DPP6: variants seen among roughly 807,000 people sequenced by gnomAD.
DPP6 encodes A-type potassium channel modulatory protein DPP6.
Under a neutral mutation model 122.6 loss-of-function variants are expected in DPP6, and 69 were observed. The ratio of observed to expected loss-of-function variants is 0.56; its 90% CI spans 0.46 to 0.69. The LOEUF (loss-of-function observed/expected upper bound fraction) is 0.69, where lower values mean the gene tolerates loss of function less well. DPP6 is among the 30% of genes least tolerant of loss of function. The pLI is 0.00. For missense variants in DPP6, 928 were observed against 1,116.9 expected (o/e 0.83, Z 2.41); for synonymous variants, 418 against 433.1 (o/e 0.97, Z 0.43).
At chr7:153,767,667 C>T in the DPP6 span, among the ~76,000 whole-genome samples, 1 of 131,656 alleles carries the variant, frequency 7.6e-6, no homozygotes, top group Non-Finnish European at 1.7e-5. Context: ...CCATAAGCCA[C>T]TGTGCCCAGC....
chr7:154,158,884 C>T (rs944047171), intron 1 of DPP6, among the ~76,000 whole-genome samples: 5 of 151,924 alleles, frequency 3.3e-5, no homozygotes, highest in Non-Finnish European at 5.9e-5. Flanking sequence ...GGACACGGGT[C>T]GGGAGGAGGA....
chr7:153,974,963 G>A (rs39149), intron 1 of DPP6, among the ~76,000 whole-genome samples: 9,888 of 152,156 alleles, frequency 0.065, 565 homozygotes, highest in East Asian at 0.25. Flanking sequence ...TGGCTTCTTC[G>A]ACCATGTCCA....
At chr7:154,259,052 A>G (rs1412578833) in intron 1 of DPP6, among the ~76,000 whole-genome samples, 2 of 152,204 alleles carry the variant, frequency 1.3e-5, no homozygotes, top group African/African-American at 2.4e-5. Flanking sequence ...AAGTAACACC[A>G]GACATGGATG....
chr7:154,072,703 A>G (rs1166960188), intron 1 of DPP6, among the ~76,000 whole-genome samples: 1 of 152,262 alleles, frequency 6.6e-6, no homozygotes, highest in African/African-American at 2.4e-5. Flanking sequence ...GCTGAGTCAG[A>G]TGGAAATAAA....
At chr7:154,012,533 T>C (rs983362163) in intron 1 of DPP6, among the ~76,000 whole-genome samples, 16 of 152,128 alleles carry the variant, frequency 1.1e-4, no homozygotes, top group African/African-American at 3.9e-4. Context: ...AGACAATTCA[T>C]AGAATGGGAG....
intron 5 of DPP6, among the ~76,000 whole-genome samples, chr7:154,633,344 C>T (rs1030578936): frequency 1.3e-5 from 2 of 152,198 alleles, no homozygotes; most frequent in African/African-American, 4.8e-5. Context: ...TCAAGTGATT[C>T]TTCCACCTCA....
intron 1 of DPP6, among the ~76,000 whole-genome samples, chr7:153,904,391 T>C (rs935728960): frequency 4.6e-5 from 7 of 152,174 alleles, no homozygotes; most frequent in Non-Finnish European, 7.3e-5. Flanking sequence ...TTCAATTTTT[T>C]ACACTTGGGG....
At chr7:154,832,702 A>G (rs1001886709) in intron 16 of DPP6, among the ~76,000 whole-genome samples, 11 of 152,216 alleles carry the variant, frequency 7.2e-5, no homozygotes, top group African/African-American at 2.7e-4. Flanking sequence ...TTGCTGACAC[A>G]GTCCCAGAAA....
chr7:154,401,062 T>C (rs1586166186), intron 1 of DPP6, among the ~76,000 whole-genome samples: 1 of 152,006 alleles, frequency 6.6e-6, no homozygotes, highest in East Asian at 1.9e-4. Flanking sequence ...TTAGGTGTGG[T>C]GGCATGCACC....
chr7:154,626,197 G>A lies in DPP6; in HGVS notation c.628-11624G>A, dbSNP rs138502091. ...TATGGCTGATTTCATTTGTTTCCCA[G>A]AAGATGAGCTGAAGACACATAGGAG... On this transcript the variant is annotated intron_variant, in intron 5 of 25. Transcript: ENST00000377770. Among the ~76,000 whole-genome samples, 35 of 152,298 alleles carry A rather than the reference G, an allele frequency of 2.3e-4. 1 individual carries two copies. Among genetic ancestry groups the A allele is most frequent in the African/African-American group, 8.4e-4 (35 of 41,556 alleles).
chr7:154,402,771 AAAAAATAAAAAT>A (rs575298987), intron 1 of DPP6, among the ~76,000 whole-genome samples: 6 of 150,208 alleles, frequency 4.0e-5, no homozygotes, highest in East Asian at 3.9e-4. Flanking sequence ...AAAAAAAAGA[AAAAAATAAAAAT>A]AAAAATAAAA....
In DPP6 at chr7:154,559,947, G is replaced by T. The variant is rs556793701; in HGVS notation, c.553-6895G>T. ...ATATAGATATATATATAAAGATATA[G>T]ATATATATAAGATATATATAAAGAT... On this transcript the variant is annotated intron_variant, in intron 4 of 25. Coordinates refer to ENST00000377770, the MANE Select transcript of DPP6 (RefSeq NM_130797.4). Among the ~76,000 whole-genome samples the T allele has an allele frequency of 6.6e-4, 45 of 67,830 alleles. 2 individuals are homozygous for T. The South Asian group carries it at 0.015, about 22-fold the overall frequency. 44.5% of individuals were successfully genotyped at this position (67,830 alleles called of 152,430 possible).
At chr7:153,894,599 G>A (rs187026423) in intron 1 of DPP6, among the ~76,000 whole-genome samples, 1 of 152,278 alleles carries the variant, frequency 6.6e-6, no homozygotes, top group Non-Finnish European at 1.5e-5. Context: ...TCATCTATGG[G>A]TGTTGTGGAG....
chr7:154,130,178 A>T (rs1447572425), intron 1 of DPP6, among the ~76,000 whole-genome samples: 3 of 152,170 alleles, frequency 2.0e-5, no homozygotes, highest in Non-Finnish European at 4.4e-5. Flanking sequence ...CTAGAAGACA[A>T]AGAGGAACTA....
At chr7:154,470,656 G>A (rs1822183670) in intron 2 of DPP6, among the ~76,000 whole-genome samples, 1 of 152,196 alleles carries the variant, frequency 6.6e-6, no homozygotes, top group African/African-American at 2.4e-5. Flanking sequence ...ACCGTAAAGA[G>A]TAACTACATC....
the DPP6 span, among the ~76,000 whole-genome samples, chr7:153,880,999 T>C: frequency 6.6e-6 from 1 of 152,252 alleles, no homozygotes; most frequent in Non-Finnish European, 1.5e-5. Context: ...GGATACATGC[T>C]TCATTAATAG....
intron 1 of DPP6, among the ~76,000 whole-genome samples, chr7:154,090,816 G>T (rs1254221662): frequency 6.7e-6 from 1 of 149,826 alleles, no homozygotes; most frequent in East Asian, 1.9e-4. Context: ...AGTTTGTGTG[G>T]CTACTTTCAA....
intron 17 of DPP6, among the ~76,000 whole-genome samples, chr7:154,857,855 A>G (rs768649141): frequency 6.6e-6 from 1 of 152,182 alleles, no homozygotes; most frequent in Non-Finnish European, 1.5e-5. Flanking sequence ...GGCCTCAGGT[A>G]AGCTTGAGAT....
At chr7:154,093,373 T>C (rs1322424996) in intron 1 of DPP6, among the ~76,000 whole-genome samples, 1 of 141,628 alleles carries the variant, frequency 7.1e-6, no homozygotes. Flanking sequence ...ACATAGCACA[T>C]AACACACCAC....
Sources: gnomAD v4.1 joint callset for allele counts (sites outside exome capture counted in the v4.1 genomes callset) on GRCh38, gnomAD v4.1.1 for gene constraint, MANE v1.5 for transcripts, NCBI Gene and HGNC (gene_info 2026-07-23, HGNC 2026-07-21) for gene names.